The following GALNTL6 variants were observed in gnomAD, a reference collection of about 807,000 sequenced individuals.
GALNTL6 encodes the protein polypeptide N-acetylgalactosaminyltransferase like 6.
Under a neutral mutation model 73.7 loss-of-function variants are expected in GALNTL6, and 46 were observed. That is an observed-to-expected ratio of 0.62 (90% confidence interval 0.49 to 0.80). The LOEUF (loss-of-function observed/expected upper bound fraction) is 0.80, where lower values mean the gene tolerates loss of function less well. Among genes scored for constraint, GALNTL6 ranks in the 30% least tolerant of loss-of-function variants. The pLI is 0.00. For missense variants in GALNTL6, 604 were observed against 755.0 expected, an observed-to-expected ratio of 0.80 and a Z score of 2.34; for synonymous variants, 259 against 263.7, an observed-to-expected ratio of 0.98 and a Z score of 0.17.
intron 2 of GALNTL6, among the ~76,000 whole-genome samples, chr4:172,176,703 C>T (rs1419785997): frequency 1.3e-5 from 2 of 151,972 alleles, no homozygotes; most frequent in African/African-American, 2.4e-5. Context: ...GGAGGAGGAT[C>T]GCTGGAGCTC....
In GALNTL6 at chr4:172,046,461, G is replaced by A. The variant is rs547268054; in HGVS notation, c.139-183195G>A. 1.2e-4 allele frequency among the ~76,000 whole-genome samples: 19 copies of A among 152,170 alleles called. No homozygotes were observed. The South Asian group carries it at 3.9e-3, about 32-fold the overall frequency. On this transcript the variant is annotated intron_variant, in intron 2 of 12. Coordinates refer to ENST00000506823, the MANE Select transcript of GALNTL6 (RefSeq NM_001034845.3). ...GGAAATTCCATATAGTTTCCCGTGAGATCTGTACTAGTTTACATTTTCACT... is the reference window on the plus strand; with the variant it reads ...GGAAATTCCATATAGTTTCCCGTGAAATCTGTACTAGTTTACATTTTCACT...
intron 5 of GALNTL6, among the ~76,000 whole-genome samples, chr4:172,587,007 G>A (rs1288381083): frequency 2.0e-5 from 3 of 152,142 alleles, no homozygotes; most frequent in Non-Finnish European, 1.5e-5. Flanking sequence ...ATTTTGATAC[G>A]CTACAAGGTT....
At chr4:172,808,293 T>TAATTCTGACATCTGTTACA (rs1293776558) in intron 5 of GALNTL6, among the ~76,000 whole-genome samples, 1 of 152,170 alleles carries the variant, frequency 6.6e-6, no homozygotes, top group African/African-American at 2.4e-5. Flanking sequence ...CAATACGGAG[T>TAATTCTGACATCTGTTACA]AATTCTGACA....
intron 2 of GALNTL6, among the ~76,000 whole-genome samples, chr4:172,220,543 T>C (rs1736639985): frequency 6.6e-6 from 1 of 151,822 alleles, no homozygotes; most frequent in African/African-American, 2.4e-5. Flanking sequence ...CCATTTTACA[T>C]GTTAGGTTGT....
At chr4:172,701,047 G>A (rs1734001037) in intron 5 of GALNTL6, among the ~76,000 whole-genome samples, 1 of 152,082 alleles carries the variant, frequency 6.6e-6, no homozygotes, top group South Asian at 2.1e-4. Context: ...CAATATGACT[G>A]AAATAATAGA....
At chr4:172,646,397 A>C (rs915752845) in intron 5 of GALNTL6, among the ~76,000 whole-genome samples, 2 of 152,044 alleles carry the variant, frequency 1.3e-5, no homozygotes, top group Non-Finnish European at 2.9e-5. Context: ...TTTTATAGTT[A>C]TGAATGTAGA....
chr4:172,634,703 A>G lies in GALNTL6; in HGVS notation c.554-174658A>G, dbSNP rs371767175. On this transcript the variant is annotated intron_variant, in intron 5 of 12. Coordinates refer to ENST00000506823, the MANE Select transcript of GALNTL6 (RefSeq NM_001034845.3). ...AATTTATTTATGTTTAATAAACTTT[A>G]TTACTACAACTTATTCAACATTTAT... Among the ~76,000 whole-genome samples, 287 of 152,340 alleles carry G rather than the reference A, an allele frequency of 1.9e-3. 2 individuals are homozygous for G. Among genetic ancestry groups the G allele is most frequent in the African/African-American group, 6.5e-3 (271 of 41,590 alleles).
At chr4:172,052,571 A>C in intron 2 of GALNTL6, 1 of 1,402,160 alleles carries the variant, frequency 7.1e-7, no homozygotes, top group Non-Finnish European at 9.7e-7. Context: ...GCAGACCAAG[A>C]CAAGATAGGG....
intron 10 of GALNTL6, among the ~76,000 whole-genome samples, chr4:172,993,063 T>C (rs1220394341): frequency 6.6e-6 from 1 of 152,182 alleles, no homozygotes; most frequent in Non-Finnish European, 1.5e-5. Flanking sequence ...CCATAATCTT[T>C]GCAAAGGCAG....
At chr4:171,852,499 G>A (rs1735548906) in intron 2 of GALNTL6, among the ~76,000 whole-genome samples, 1 of 145,032 alleles carries the variant, frequency 6.9e-6, no homozygotes, top group Non-Finnish European at 1.5e-5. Context: ...ATTTATCGCT[G>A]TCTAAATATT....
intron 2 of GALNTL6, among the ~76,000 whole-genome samples, chr4:171,822,819 T>C (rs1193100270): frequency 6.6e-6 from 1 of 152,246 alleles, no homozygotes; most frequent in Admixed American, 6.5e-5. Flanking sequence ...AATATAAGGC[T>C]GGATTACATG....
chr4:172,078,153 AG>A (rs1731763185), intron 2 of GALNTL6, among the ~76,000 whole-genome samples: 2 of 152,168 alleles, frequency 1.3e-5, no homozygotes, highest in Admixed American at 1.3e-4. Flanking sequence ...TCAAGAGTGG[AG>A]CCCTCATGGA....
At chr4:172,819,472 G>T (rs1741804627) in intron 7 of GALNTL6, among the ~76,000 whole-genome samples, 1 of 152,152 alleles carries the variant, frequency 6.6e-6, no homozygotes, top group African/African-American at 2.4e-5. Flanking sequence ...TTACAAAAAA[G>T]GAAACCTAAG....
intron 9 of GALNTL6, 76 bp from the exon 10 acceptor site, chr4:172,951,961 C>T: frequency 1.6e-6 from 2 of 1,251,852 alleles, no homozygotes; most frequent in Admixed American, 4.3e-5. Flanking sequence ...TTTCTTTTTT[C>T]AATTTCTGGT....
At chr4:172,971,240 C>T (rs1294289918) in intron 10 of GALNTL6, among the ~76,000 whole-genome samples, 1 of 152,130 alleles carries the variant, frequency 6.6e-6, no homozygotes. Flanking sequence ...AACCATGAGC[C>T]AAATAAATTT....
In GALNTL6 at chr4:172,065,860, T is replaced by A. The variant is rs576562696; in HGVS notation, c.139-163796T>A. ...GTCCAGTGAAGGGAGAAGCCCCTTA[T>A]ACAAGCATCAGATCTGGTGAGAACT... On this transcript the variant is annotated intron_variant, in intron 2 of 12. Transcript: ENST00000506823. Among the ~76,000 whole-genome samples, 62 of 152,290 alleles carry A rather than the reference T, an allele frequency of 4.1e-4. 1 individual carries two copies. The highest frequency in any genetic ancestry group is 1.2e-3 in the African/African-American group (51 of 41,562).
intron 5 of GALNTL6, among the ~76,000 whole-genome samples, chr4:172,563,818 A>G (rs1195311741): frequency 3.3e-5 from 5 of 152,170 alleles, no homozygotes; most frequent in Non-Finnish European, 7.4e-5. Context: ...TTGGAAGACC[A>G]TTTCTCCAAA....
In GALNTL6 at chr4:172,973,852, G is replaced by A. The variant is rs1417023678; in HGVS notation, c.1371+21594G>A. The stretch of plus-strand genomic sequence containing the variant: ...CTTGCTAAAGTATTAGGAGTGAAAG[G>A]ACATGCTGCATGGTATTGACTTCGA... On this transcript the variant is annotated intron_variant, in intron 10 of 12. Transcript: ENST00000506823. Among the ~76,000 whole-genome samples, 4 of 152,126 alleles carry A rather than the reference G, an allele frequency of 2.6e-5. No homozygotes were observed. The East Asian group carries it at 7.7e-4, about 29-fold the overall frequency.
At chr4:172,397,891 T>G (rs1322573619) in intron 5 of GALNTL6, among the ~76,000 whole-genome samples, 1 of 152,138 alleles carries the variant, frequency 6.6e-6, no homozygotes, top group African/African-American at 2.4e-5. Flanking sequence ...TCTTTTATTT[T>G]TATCTTTTCT....
Sources: gnomAD v4.1 joint callset for allele counts (sites outside exome capture counted in the v4.1 genomes callset) on GRCh38, gnomAD v4.1.1 for gene constraint, MANE v1.5 for transcripts, NCBI Gene and HGNC (gene_info 2026-07-23, HGNC 2026-07-21) for gene names.